The following CFAP20DC variants were observed in gnomAD, a reference collection of about 807,000 sequenced individuals.
CFAP20DC encodes the protein CFAP20 domain containing, also known as protein CFAP20DC.
Under a neutral mutation model 101.7 loss-of-function variants are expected in CFAP20DC, and 84 were observed. The observed-to-expected ratio is 0.83, with a 90% CI of 0.69 to 0.99. The LOEUF (loss-of-function observed/expected upper bound fraction) is 0.99. CFAP20DC is among the 50% of genes least tolerant of loss of function. The pLI, the probability that CFAP20DC is intolerant of heterozygous loss-of-function variation, is 0.00. For missense variants in CFAP20DC, 1,007 were observed against 970.3 expected (o/e 1.04, Z -0.50); for synonymous variants, 359 against 351.2 (o/e 1.02, Z -0.25).
In CFAP20DC at chr3:58,868,015, C is replaced by A; in HGVS notation, c.1016-79G>T. 7.2e-7 allele frequency: 1 copy of A among 1,385,014 alleles called. No individual in the cohort carries two copies. Among genetic ancestry groups the A allele is most frequent in the South Asian group, 1.6e-5 (1 of 63,584 alleles). 85.8% of individuals were successfully genotyped at this position (1,385,014 alleles called of 1,614,324 possible). On this transcript the variant is annotated intron_variant, in intron 9 of 16. Transcript: ENST00000482387. This position sits in a 1 kb window ranked among gnomAD's most constrained non-coding sequence, Gnocchi z 4.6. ...GAAGTAACTCAGTAAATATAATTAT[C>A]ACTATAATGAGAATATTCATGTATA... is the stretch of plus-strand genomic sequence containing the variant.
intron 6 of CFAP20DC, among the ~76,000 whole-genome samples, chr3:58,908,052 C>G (rs1246773773): frequency 6.6e-6 from 1 of 152,074 alleles, no homozygotes; most frequent in Non-Finnish European, 1.5e-5. Flanking sequence ...AATTTTTAAA[C>G]AAAATAATAC....
intron 12 of CFAP20DC, among the ~76,000 whole-genome samples, chr3:58,852,859 C>T (rs1438670981): frequency 2.7e-5 from 4 of 150,832 alleles, no homozygotes; most frequent in Admixed American, 2.0e-4. Context: ...ATTTATAGCA[C>T]TAAATGCCCA....
chr3:58,848,166 A>AT (rs1241319721), intron 13 of CFAP20DC, among the ~76,000 whole-genome samples: 7 of 18,134 alleles, frequency 3.9e-4, no homozygotes, highest in African/African-American at 3.4e-3. Flanking sequence ...TTAAAGTATA[A>AT]TTAAAAAAAA....
intron 15 of CFAP20DC, among the ~76,000 whole-genome samples, chr3:58,761,923 C>G (rs1426977020): frequency 6.6e-6 from 1 of 151,958 alleles, no homozygotes; most frequent in African/African-American, 2.4e-5. Flanking sequence ...AATTTCTGTT[C>G]TTTTACATTT....
intron 3 of CFAP20DC, among the ~76,000 whole-genome samples, chr3:59,043,018 CA>C (rs1699532363): frequency 6.6e-6 from 1 of 152,056 alleles, no homozygotes; most frequent in Non-Finnish European, 1.5e-5. Flanking sequence ...GAGTAAAGAC[CA>C]GAAGTTAGGC....
rs570899909 is a variant in CFAP20DC at position 58,980,651 on chromosome 3, A to C, written c.279-42889T>G. On this transcript the variant is annotated intron_variant, in intron 4 of 16. Coordinates refer to ENST00000482387, the MANE Select transcript of CFAP20DC (RefSeq NM_001394063.1). ...GCAGAAAAGGCCTTTGACAAAATTC[A>C]ACAATGCTTCATGCTAAAAACTCTC... Among the ~76,000 whole-genome samples the C allele has an allele frequency of 4.5e-3, 687 of 152,354 alleles. 5 individuals carry two copies. Among genetic ancestry groups the C allele is most frequent in the African/African-American group, 0.016 (672 of 41,580 alleles).
downstream of CFAP20DC, among the ~76,000 whole-genome samples, chr3:58,717,088 A>T (rs185004580): frequency 6.6e-5 from 10 of 152,144 alleles, no homozygotes; most frequent in East Asian, 1.7e-3. The surrounding 1 kb of genome is among the most constrained non-coding windows in gnomAD (Gnocchi z 4.1). Flanking sequence ...ATCAGTCAAG[A>T]GTAGTTGCTA....
At chr3:58,952,097 G>A (rs1039544966) in intron 4 of CFAP20DC, among the ~76,000 whole-genome samples, 2 of 152,024 alleles carry the variant, frequency 1.3e-5, no homozygotes, top group African/African-American at 4.8e-5. Context: ...CTGGAAATTT[G>A]GGAGGAAAAC....
intron 13 of CFAP20DC, among the ~76,000 whole-genome samples, chr3:58,838,943 C>T (rs749717204): frequency 2.0e-5 from 3 of 152,080 alleles, no homozygotes; most frequent in Admixed American, 1.3e-4. Context: ...AGTATAGTAG[C>T]CATTCAATAA....
intron 5 of CFAP20DC, among the ~76,000 whole-genome samples, chr3:58,936,371 C>A (rs987784563): frequency 3.3e-5 from 5 of 152,124 alleles, no homozygotes; most frequent in African/African-American, 1.2e-4. Flanking sequence ...TGTGGCGATT[C>A]CTCAGGGATC....
chr3:58,975,057 A>C (rs745590441), intron 4 of CFAP20DC, among the ~76,000 whole-genome samples: 5 of 152,080 alleles, frequency 3.3e-5, no homozygotes, highest in Admixed American at 2.0e-4. Flanking sequence ...GGTGGAAGGG[A>C]GATTAATCAG....
intron 4 of CFAP20DC, among the ~76,000 whole-genome samples, chr3:58,978,140 A>C (rs115230687): frequency 0.01 from 1,592 of 152,236 alleles, 35 homozygotes; most frequent in African/African-American, 0.036. Flanking sequence ...GCGGGGAAGC[A>C]TCAGGCAGCT....
chr3:58,973,104 C>T (rs956031655), intron 4 of CFAP20DC, among the ~76,000 whole-genome samples: 4 of 152,104 alleles, frequency 2.6e-5, no homozygotes, highest in Non-Finnish European at 5.9e-5. Flanking sequence ...AATTCTTTTC[C>T]ATGGGGATTA....
chr3:58,743,861 CTG>C (rs1400592373), intron 16 of CFAP20DC, among the ~76,000 whole-genome samples: 1 of 152,148 alleles, frequency 6.6e-6, no homozygotes, highest in African/African-American at 2.4e-5. Context: ...GGGTTTAAAA[CTG>C]TACCACAGCC....
chr3:58,984,923 G>C (rs1307623507), intron 4 of CFAP20DC, among the ~76,000 whole-genome samples: 1 of 152,052 alleles, frequency 6.6e-6, no homozygotes, highest in Non-Finnish European at 1.5e-5. Flanking sequence ...GGGGGGCTGA[G>C]GGGACAGGAT....
intron 4 of CFAP20DC, among the ~76,000 whole-genome samples, chr3:58,990,754 GGTGTGTGTGTGT>G (rs71091398): frequency 4.2e-5 from 6 of 144,036 alleles, no homozygotes; most frequent in South Asian, 2.3e-4. Flanking sequence ...ATGCTCAGCT[GGTGTGTGTGTGT>G]GTGTGTGTGT....
At chr3:58,976,551 C>T (rs1431306172) in intron 4 of CFAP20DC, among the ~76,000 whole-genome samples, 1 of 152,166 alleles carries the variant, frequency 6.6e-6, no homozygotes, top group African/African-American at 2.4e-5. Context: ...TCTGGCTCTG[C>T]CACTTACACT....
chr3:58,838,525 G>T (rs1348822099), intron 13 of CFAP20DC, among the ~76,000 whole-genome samples: 1 of 152,140 alleles, frequency 6.6e-6, no homozygotes, highest in Non-Finnish European at 1.5e-5. Flanking sequence ...TCCTTGTAAA[G>T]AGATAGATAA....
intron 15 of CFAP20DC, 89 bp from the exon 16 acceptor site, chr3:58,753,952 C>A (rs1266983771): frequency 1.2e-5 from 9 of 770,102 alleles, no homozygotes; most frequent in African/African-American, 1.8e-5. Context: ...TTGGGGCTTC[C>A]AAAAAGAAAC....
Sources: allele counts gnomAD v4.1 joint callset (sites outside exome capture counted in the v4.1 genomes callset), GRCh38; gene constraint gnomAD v4.1.1; non-coding constraint Gnocchi (gnomAD v3.1); transcripts MANE v1.5; gene names NCBI Gene and HGNC (gene_info 2026-07-23, HGNC 2026-07-21).